SCAPER: variants seen among roughly 807,000 people sequenced by gnomAD.
The protein encoded by SCAPER is S-phase cyclin A associated protein in the ER.
In SCAPER, 98 loss-of-function variants were observed where a neutral mutation model predicts 182.2. The observed-to-expected ratio is 0.54, with a 90% CI of 0.46 to 0.64. The LOEUF (loss-of-function observed/expected upper bound fraction) is 0.64, where lower values mean the gene tolerates loss of function less well. Among genes scored for constraint, SCAPER ranks in the 30% least tolerant of loss-of-function variants. The pLI, the probability that SCAPER is intolerant of heterozygous loss-of-function variation, is 0.00. For synonymous variants in SCAPER, 605 were observed against 564.6 expected, an observed-to-expected ratio of 1.07 and a Z score of -1.01; for missense variants, 1,432 against 1,690.0, an observed-to-expected ratio of 0.85 and a Z score of 2.68.
At position 76,726,889 on chromosome 15, in the gene SCAPER, C is replaced by T. The variant is rs551990620; in HGVS notation, c.2165+1706G>A. 1.3e-4 allele frequency among the ~76,000 whole-genome samples: 19 copies of T among 151,898 alleles called. No homozygotes were observed. In the South Asian group the frequency reaches 2.7e-3, roughly 22 times the overall value. The stretch of plus-strand genomic sequence containing the variant: ...CTTAGTAGATAGAACACTTCAGTCT[C>T]GGAAACTGAAAAAATTTCTGGGTAC... On this transcript the variant is annotated intron_variant, in intron 17 of 31. Coordinates refer to ENST00000563290, the MANE Select transcript of SCAPER (RefSeq NM_020843.4).
Position 76,462,551 on chromosome 15 carries a change from AC to A in SCAPER, c.3078+8660del, listed in dbSNP as rs753532471. 5.3e-5 allele frequency among the ~76,000 whole-genome samples: 8 copies of A among 152,222 alleles called. 1 individual carries two copies. The South Asian group carries it at 1.7e-3, about 32-fold the overall frequency. Reference sequence around the variant, plus strand: ...TTAAACTGTTAATTGTTTTACTGAAACCTTTTACACCTTTAATAATTTTGTT... The same window carrying A: ...TTAAACTGTTAATTGTTTTACTGAAACTTTTACACCTTTAATAATTTTGTT... On this transcript the variant is annotated intron_variant, in intron 25 of 31. Coordinates refer to ENST00000563290, the MANE Select transcript of SCAPER (RefSeq NM_020843.4).
chr15:76,691,273 C>T (rs76478869), intron 20 of SCAPER, among the ~76,000 whole-genome samples: 3,250 of 151,942 alleles, frequency 0.021, 42 homozygotes, highest in South Asian at 0.034. Flanking sequence ...ATTTTCAATA[C>T]TTAATTGAAG....
At chr15:76,506,788 T>C (rs2041620371) in intron 23 of SCAPER, among the ~76,000 whole-genome samples, 1 of 152,288 alleles carries the variant, frequency 6.6e-6, no homozygotes, top group East Asian at 1.9e-4. Flanking sequence ...TAATATCTAA[T>C]CATTTTAGCT....
intron 25 of SCAPER, among the ~76,000 whole-genome samples, chr15:76,470,478 A>C (rs2050058865): frequency 1.3e-5 from 2 of 152,170 alleles, no homozygotes; most frequent in Non-Finnish European, 2.9e-5. Flanking sequence ...AGTTTAAGGA[A>C]GAGTTACTAG....
At chr15:76,573,034 G>C (rs1239716970) in intron 23 of SCAPER, among the ~76,000 whole-genome samples, 1 of 151,934 alleles carries the variant, frequency 6.6e-6, no homozygotes, top group East Asian at 1.9e-4. Context: ...GTGACAAACA[G>C]CTATATTTAT....
At chr15:76,870,499 T>C (rs2072636855) in intron 2 of SCAPER, among the ~76,000 whole-genome samples, 1 of 151,878 alleles carries the variant, frequency 6.6e-6, no homozygotes, top group Non-Finnish European at 1.5e-5. Flanking sequence ...CAGAAATAGA[T>C]TTTAAAGTAA....
At chr15:76,429,496 T>A (rs967043427) in intron 26 of SCAPER, among the ~76,000 whole-genome samples, 2 of 152,174 alleles carry the variant, frequency 1.3e-5, no homozygotes, top group African/African-American at 4.8e-5. Context: ...CAGGCTGAGC[T>A]GGTCTCAGAT....
intron 25 of SCAPER, among the ~76,000 whole-genome samples, chr15:76,453,026 G>C (rs8027086): frequency 6.6e-6 from 1 of 152,000 alleles, no homozygotes. Flanking sequence ...TAGTGATGGG[G>C]TCTTGCTATG....
intron 21 of SCAPER, among the ~76,000 whole-genome samples, chr15:76,656,270 T>C (rs1340353625): frequency 7.9e-5 from 12 of 151,584 alleles, no homozygotes; most frequent in Admixed American, 2.0e-4. Flanking sequence ...CAGAAAAAAA[T>C]AGAATTTAAA....
At chr15:76,677,666 C>T (rs760485682) in intron 20 of SCAPER, among the ~76,000 whole-genome samples, 27 of 150,894 alleles carry the variant, frequency 1.8e-4, no homozygotes, top group African/African-American at 5.6e-4. Flanking sequence ...GAAACTAATA[C>T]GTATGCAGAC....
chr15:76,732,424 T>G (rs1051685038), intron 16 of SCAPER, among the ~76,000 whole-genome samples: 3 of 152,030 alleles, frequency 2.0e-5, no homozygotes, highest in Non-Finnish European at 4.4e-5. Flanking sequence ...AACCAGGCCA[T>G]ACAGAGATAG....
At chr15:76,878,454 G>T (rs1473190625) in intron 2 of SCAPER, among the ~76,000 whole-genome samples, 1 of 151,872 alleles carries the variant, frequency 6.6e-6, no homozygotes, top group Non-Finnish European at 1.5e-5. Flanking sequence ...GACACAAAAA[G>T]CACTAATCAT....
chr15:76,652,299 TATATATATATAC>T (rs1388456282), intron 21 of SCAPER, among the ~76,000 whole-genome samples: 4 of 28,792 alleles, frequency 1.4e-4, no homozygotes, highest in Non-Finnish European at 2.2e-4. Flanking sequence ...TATATATATA[TATATATATATAC>T]ACACACACAC....
chr15:76,740,706 GT>G (rs1333718167), intron 15 of SCAPER, among the ~76,000 whole-genome samples: 3 of 151,962 alleles, frequency 2.0e-5, no homozygotes, highest in South Asian at 4.2e-4. Flanking sequence ...CTAGAAAAAA[GT>G]TTTTTTCTTA....
intron 29 of SCAPER, among the ~76,000 whole-genome samples, chr15:76,360,473 C>T (rs551775616): frequency 1.8e-4 from 27 of 152,264 alleles, no homozygotes; most frequent in African/African-American, 6.0e-4. Flanking sequence ...CTAGATTCTT[C>T]CTCACCTCAA....
At chr15:76,515,434 A>G (rs936194091) in intron 23 of SCAPER, among the ~76,000 whole-genome samples, 1 of 152,174 alleles carries the variant, frequency 6.6e-6, no homozygotes, top group South Asian at 2.1e-4. Context: ...CTTTGCCCCT[A>G]TATCTCAAGT....
At chr15:76,604,828 GTC>G (rs2050231896) in intron 22 of SCAPER, among the ~76,000 whole-genome samples, 1 of 151,314 alleles carries the variant, frequency 6.6e-6, no homozygotes, top group African/African-American at 2.4e-5. Flanking sequence ...CTCTCTGTTT[GTC>G]TGTTATTGGT....
intron 5 of SCAPER, among the ~76,000 whole-genome samples, chr15:76,835,475 C>T (rs749718730): frequency 4.9e-4 from 74 of 152,094 alleles, no homozygotes; most frequent in Non-Finnish European, 2.4e-4. Flanking sequence ...ACAGAAAAGG[C>T]TTTCAATAAA....
At chr15:76,856,367 G>T (rs2071372582) in intron 4 of SCAPER, among the ~76,000 whole-genome samples, 1 of 151,582 alleles carries the variant, frequency 6.6e-6, no homozygotes, top group African/African-American at 2.4e-5. Context: ...CATGAAACGA[G>T]TTTACCTATA....
Sources: allele counts gnomAD v4.1 joint callset (sites outside exome capture counted in the v4.1 genomes callset), GRCh38; gene constraint gnomAD v4.1.1; transcripts MANE v1.5; gene names NCBI Gene and HGNC (gene_info 2026-07-23, HGNC 2026-07-21).